Variants in TGFB3 observed in about 807,000 individuals in gnomAD.
The protein encoded by TGFB3 is transforming growth factor beta-3 proprotein.
A neutral mutation model predicts 40.1 loss-of-function variants in TGFB3; 5 were observed. The ratio of observed to expected loss-of-function variants is 0.12; its 90% CI spans 0.07 to 0.26. TGFB3 has a LOEUF of 0.26. Among genes scored for constraint, TGFB3 ranks in the 10% least tolerant of loss-of-function variants. The pLI is 1.00. For missense variants in TGFB3, 373 were observed against 530.1 expected, an observed-to-expected ratio of 0.70 and a Z score of 2.91; for synonymous variants, 184 against 205.6, an observed-to-expected ratio of 0.89 and a Z score of 0.90.
At chr14:75,960,069 A>C (rs2035136815) in intron 6 of TGFB3, among the ~76,000 whole-genome samples, 1 of 147,586 alleles carries the variant, frequency 6.8e-6, no homozygotes, top group South Asian at 2.2e-4. Flanking sequence ...CAGCCTCCCA[A>C]GTAGCTGGGA....
Position 75,978,619 on chromosome 14 carries a change from C to T in TGFB3, c.352+1923G>A, listed in dbSNP as rs965081586. 2.0e-5 allele frequency among the ~76,000 whole-genome samples: 3 copies of T among 152,276 alleles called. No homozygotes were observed. The highest frequency in any genetic ancestry group is 7.2e-5 in the African/African-American group (3 of 41,480). On this transcript the variant is annotated intron_variant, in intron 1 of 6. Coordinates refer to ENST00000238682, the MANE Select transcript of TGFB3 (RefSeq NM_003239.5). This position sits in a 1 kb window ranked among gnomAD's most constrained non-coding sequence, Gnocchi z 5.0. ...GCCAGACCATTGCTCCATAACCCCACATCCACCCATCTGTTGCAGTTGTAA... is the reference window on the plus strand; with the variant it reads ...GCCAGACCATTGCTCCATAACCCCATATCCACCCATCTGTTGCAGTTGTAA...
At position 75,971,831 on chromosome 14, in the gene TGFB3, G is replaced by T. The variant is rs568121062; in HGVS notation, c.353-113C>A. The T allele has an allele frequency of 8.2e-7, 1 of 1,216,038 alleles. No homozygotes were observed. Among genetic ancestry groups the T allele is most frequent in the Non-Finnish European group, 1.2e-6 (1 of 846,750 alleles). The allele number at this position is 1,216,038 out of a possible 1,614,324, so 75.3% of individuals were successfully genotyped here. ...CGTCCCGCCTGCCACCTCCCTAGAGGCTTGAGGCCTCAGACCGCAAGGTGG... is the reference window on the plus strand; with the variant it reads ...CGTCCCGCCTGCCACCTCCCTAGAGTCTTGAGGCCTCAGACCGCAAGGTGG... On this transcript the variant is annotated intron_variant, in intron 1 of 6. Transcript: ENST00000238682. This position sits in a 1 kb window ranked among gnomAD's most constrained non-coding sequence, Gnocchi z 4.5.
chr14:75,967,092 A>C (rs1427904447), intron 3 of TGFB3, among the ~76,000 whole-genome samples: 3 of 152,204 alleles, frequency 2.0e-5, no homozygotes, highest in Non-Finnish European at 2.9e-5. Flanking sequence ...GGCAAACCCC[A>C]AAAAGTCCAA....
intron 5 of TGFB3, 102 bp from the exon 6 acceptor site, chr14:75,961,178 T>TGAA: frequency 3.7e-6 from 5 of 1,360,350 alleles, no homozygotes; most frequent in Non-Finnish European, 5.1e-6. Context: ...CATGCCATCA[T>TGAA]AGGTGGCTCT....
chr14:75,979,646 G>A lies in TGFB3; in HGVS notation c.352+896C>T, dbSNP rs946089084. On this transcript the variant is annotated intron_variant, in intron 1 of 6. Coordinates refer to ENST00000238682, the MANE Select transcript of TGFB3 (RefSeq NM_003239.5). The surrounding 1 kb of genome is among the most constrained non-coding windows in gnomAD (Gnocchi z 4.8). ...CAGACATCTCGCCCAGAAGCCGCCCGGCTCCTCCATGCAGACAGAGCCTCC... is the reference window on the plus strand; with the variant it reads ...CAGACATCTCGCCCAGAAGCCGCCCAGCTCCTCCATGCAGACAGAGCCTCC... Among the ~76,000 whole-genome samples the A allele has an allele frequency of 2.0e-5, 3 of 151,784 alleles. No individual in the cohort carries two copies. The highest frequency in any genetic ancestry group is 7.3e-5 in the African/African-American group (3 of 41,274).
rs1328271537 is a variant in TGFB3, at chr14:75,979,625, C to T, written c.352+917G>A. Among the ~76,000 whole-genome samples, 2 of 152,124 alleles carry T rather than the reference C, an allele frequency of 1.3e-5. No individual in the cohort carries two copies. On this transcript the variant is annotated intron_variant, in intron 1 of 6. Transcript: ENST00000238682. This position sits in a 1 kb window ranked among gnomAD's most constrained non-coding sequence, Gnocchi z 4.8. ...CCACACGTGTACCAACACACACAGA[C>T]ATCTCGCCCAGAAGCCGCCCGGCTC...
chr14:75,968,022 G>T (rs1261183996), intron 3 of TGFB3, among the ~76,000 whole-genome samples: 1 of 152,222 alleles, frequency 6.6e-6, no homozygotes, highest in African/African-American at 2.4e-5. Context: ...GCCTGGCCCT[G>T]CCTAGCTAGG....
chr14:75,975,974 G>A (rs2035349228), intron 1 of TGFB3, among the ~76,000 whole-genome samples: 2 of 152,160 alleles, frequency 1.3e-5, no homozygotes, highest in African/African-American at 4.8e-5. Flanking sequence ...CCATTGCACA[G>A]AAAAAATATA....
chr14:75,979,493 G>A lies in TGFB3; in HGVS notation c.352+1049C>T, dbSNP rs2035395942. 6.6e-6 allele frequency among the ~76,000 whole-genome samples: 1 copy of A among 152,184 alleles called. No homozygotes were observed. The highest frequency in any genetic ancestry group is 2.1e-4 in the South Asian group (1 of 4,834). The stretch of plus-strand genomic sequence containing the variant: ...TGCTCCCGGAGTCTACGGCCCACGA[G>A]TGGCTCACATTCCTCTTTCCTGGGC... On this transcript the variant is annotated intron_variant, in intron 1 of 6. Transcript: ENST00000238682. The surrounding 1 kb of genome is among the most constrained non-coding windows in gnomAD (Gnocchi z 4.8).
intron 3 of TGFB3, chr14:75,966,192 T>C (rs2035219260): frequency 5.6e-6 from 1 of 178,862 alleles, no homozygotes; most frequent in African/African-American, 2.4e-5. Context: ...ACAGAGACTG[T>C]GATTCAAAAG....
chr14:75,962,739 T>C (rs2140237458), intron 5 of TGFB3, among the ~76,000 whole-genome samples: 1 of 152,324 alleles, frequency 6.6e-6, no homozygotes, highest in East Asian at 1.9e-4. Context: ...TACTTTATCC[T>C]CCCTTTATAA....
At position 75,979,264 on chromosome 14, in the gene TGFB3, C is replaced by G. The variant is rs1372881381; in HGVS notation, c.352+1278G>C. On this transcript the variant is annotated intron_variant, in intron 1 of 6. Transcript: ENST00000238682. This position sits in a 1 kb window ranked among gnomAD's most constrained non-coding sequence, Gnocchi z 4.8. ...TGCACCTCCAGCCAGAGCTGGTCCA[C>G]CCATCGGTACCCACTCCTGTTCCTT... Among the ~76,000 whole-genome samples, 1 of 152,180 alleles carries G rather than the reference C, an allele frequency of 6.6e-6. No homozygotes were observed. The highest frequency in any genetic ancestry group is 2.4e-5 in the African/African-American group (1 of 41,452).
rs1370245084 is a variant in TGFB3, at chr14:75,958,812, T to A, written c.*375A>T. ...ACCTCAGATCTGAAGTGTCTTCCAG[T>A]CTGGCCCTGACCCAGCCATTCTCTG... On this transcript the variant is annotated 3_prime_UTR_variant, in exon 7 of 7. Coordinates refer to ENST00000238682, the MANE Select transcript of TGFB3 (RefSeq NM_003239.5). 1 of 349,106 alleles carries A rather than the reference T, an allele frequency of 2.9e-6. No homozygotes were observed. The highest frequency in any genetic ancestry group is 5.6e-6 in the Non-Finnish European group (1 of 178,564). The allele number at this position is 349,106 out of a possible 1,614,324, so 21.6% of individuals were successfully genotyped here. A position where few individuals can be genotyped will look rare whatever the true frequency, so the allele number is the denominator to read the frequency against.
rs368563321 is a variant in TGFB3, at chr14:75,979,705, C to G, written c.352+837G>C. ...CAGGCTCCCAGACATATCCCCCCCC[C>G]CCACCATGCACCCACTGCCACCCCT... On this transcript the variant is annotated intron_variant, in intron 1 of 6. Transcript: ENST00000238682. This position sits in a 1 kb window ranked among gnomAD's most constrained non-coding sequence, Gnocchi z 4.8. Among the ~76,000 whole-genome samples the G allele has an allele frequency of 1.9e-4, 28 of 150,816 alleles. No individual in the cohort carries two copies. The South Asian group carries it at 1.9e-3, about 10-fold the overall frequency.
rs1416881177 is a variant in TGFB3 at position 75,979,162 on chromosome 14, A to T, written c.352+1380T>A. On this transcript the variant is annotated intron_variant, in intron 1 of 6. Transcript: ENST00000238682. The surrounding 1 kb of genome is among the most constrained non-coding windows in gnomAD (Gnocchi z 4.8). ...CTGAAGAAAGGCGCTCCAGGCAGCC[A>T]CAGGAAGCTGGAGCGGGAACCCCTC... is the stretch of plus-strand genomic sequence containing the variant. Among the ~76,000 whole-genome samples, 1 of 152,080 alleles carries T rather than the reference A, an allele frequency of 6.6e-6. No individual in the cohort carries two copies. The highest frequency in any genetic ancestry group is 1.5e-5 in the Non-Finnish European group (1 of 67,988).
chr14:75,963,229 T>G (rs1345764929), intron 5 of TGFB3, 87 bp downstream of exon 5: 2 of 1,477,702 alleles, frequency 1.4e-6, no homozygotes, highest in South Asian at 1.1e-5. Flanking sequence ...GACCCTCTGT[T>G]GAGTGTGGCT....
At chr14:75,967,123 A>G (rs1414109658) in intron 3 of TGFB3, among the ~76,000 whole-genome samples, 2 of 152,222 alleles carry the variant, frequency 1.3e-5, no homozygotes, top group African/African-American at 4.8e-5. Context: ...CAACCTTCTC[A>G]TAGACAGAAG....
chr14:75,981,150 TG>T lies in TGFB3; in HGVS notation c.-258del. 2.0e-6 allele frequency: 1 copy of T among 512,242 alleles called. No individual in the cohort carries two copies. The highest frequency in any genetic ancestry group is 3.6e-6 in the Non-Finnish European group (1 of 281,052). 31.7% of individuals were successfully genotyped at this position (512,242 alleles called of 1,614,324 possible). A position where few individuals can be genotyped will look rare whatever the true frequency, so the allele number is the denominator to read the frequency against. On this transcript the variant is annotated 5_prime_UTR_variant, in exon 1 of 7. Transcript: ENST00000238682. The surrounding 1 kb of genome is among the most constrained non-coding windows in gnomAD (Gnocchi z 4.7). ...CTTGTCCATGTGTCTAAACAGGTTT[TG>T]CTGGGCTCTGACTCCCAGCAGGCCA...
Position 75,965,889 on chromosome 14 carries a change from C to A in TGFB3, c.647-194G>T, listed in dbSNP as rs192761667. 4 of 610,364 alleles carry A rather than the reference C, an allele frequency of 6.6e-6. No individual in the cohort carries two copies. In the East Asian group the frequency reaches 1.1e-4, roughly 18 times the overall value. 37.8% of individuals were successfully genotyped at this position (610,364 alleles called of 1,614,324 possible). ...ACCTTCAAGCGCACGTTGCCACATT[C>A]CAGGTATTCCTGTTGTATTATGAAT... On this transcript the variant is annotated intron_variant, in intron 3 of 6. Coordinates refer to ENST00000238682, the MANE Select transcript of TGFB3 (RefSeq NM_003239.5).
Sources: gnomAD v4.1 joint callset for allele counts (sites outside exome capture counted in the v4.1 genomes callset) on GRCh38, gnomAD v4.1.1 for gene constraint, Gnocchi (gnomAD v3.1) non-coding constraint, MANE v1.5 for transcripts, NCBI Gene and HGNC (gene_info 2026-07-23, HGNC 2026-07-21) for gene names.